NUDT5: variants seen among roughly 807,000 people sequenced by gnomAD.
NUDT5 encodes the protein ADP-sugar pyrophosphatase.
Under a neutral mutation model 34.1 loss-of-function variants are expected in NUDT5, and 21 were observed. The observed-to-expected ratio is 0.62, with a 90% CI of 0.44 to 0.89. The LOEUF (loss-of-function observed/expected upper bound fraction) is 0.89. Among genes scored for constraint, NUDT5 ranks in the 40% least tolerant of loss-of-function variants. NUDT5 has a pLI of 0.00. For synonymous variants in NUDT5, 85 were observed against 97.6 expected (o/e 0.87, Z 0.76); for missense variants, 249 against 274.8 (o/e 0.91, Z 0.66).
chr10:12,176,253 G>C (rs1220241613), intron 5 of NUDT5, among the ~76,000 whole-genome samples: 1 of 151,746 alleles, frequency 6.6e-6, no homozygotes, highest in African/African-American at 2.4e-5. Context: ...AAAATGGTGA[G>C]GAAATGAGAA....
intron 5 of NUDT5, among the ~76,000 whole-genome samples, chr10:12,177,444 A>G (rs539902882): frequency 4.7e-4 from 71 of 151,978 alleles, no homozygotes; most frequent in East Asian, 1.2e-3. Context: ...GCTTGAACCC[A>G]GGAGGCGGAG....
At chr10:12,172,687 T>C in intron 7 of NUDT5, 78 bp downstream of exon 7, 2 of 923,682 alleles carry the variant, frequency 2.2e-6, no homozygotes, top group South Asian at 2.8e-5. Context: ...TACATTCTTT[T>C]AATAAATCAA....
Position 12,172,538 on chromosome 10 carries a change from T to C in NUDT5, c.487+227A>G, listed in dbSNP as rs1219956928. ...ACTTCATATAGAAAACAGGGAAATA[T>C]GTCATTTAACATTTTTTTACAAAGA... On this transcript the variant is annotated intron_variant, in intron 7 of 9. Transcript: ENST00000491614. The C allele has an allele frequency of 6.9e-6, 4 of 577,548 alleles. No individual in the cohort carries two copies. The East Asian group carries it at 8.6e-5, about 12-fold the overall frequency. 35.8% of individuals were successfully genotyped at this position (577,548 alleles called of 1,614,324 possible). A position where few individuals can be genotyped will look rare whatever the true frequency, so the allele number is the denominator to read the frequency against.
chr10:12,190,606 CTTTTTT>C (rs1013405393), intron 1 of NUDT5, among the ~76,000 whole-genome samples: 2 of 127,974 alleles, frequency 1.6e-5, no homozygotes, highest in East Asian at 2.2e-4. Flanking sequence ...ATGATAAAGC[CTTTTTT>C]TTTTTTTTTT....
chr10:12,172,938 A>T (rs1467465165), intron 6 of NUDT5, 72 bp from the exon 7 acceptor site: 2 of 1,103,410 alleles, frequency 1.8e-6, no homozygotes, highest in Non-Finnish European at 2.7e-6. Flanking sequence ...TAGGAAGAAG[A>T]TGCGTCCCGC....
At chr10:12,190,219 TA>T (rs1314095038) in intron 1 of NUDT5, among the ~76,000 whole-genome samples, 1 of 152,222 alleles carries the variant, frequency 6.6e-6, no homozygotes, top group African/African-American at 2.4e-5. Flanking sequence ...TGATTTTCCT[TA>T]GTCTTTAAAG....
chr10:12,169,290 A>G lies in NUDT5; in HGVS notation c.550+1427T>C, dbSNP rs1477901133. On this transcript the variant is annotated intron_variant, in intron 9 of 9. Transcript: ENST00000491614. This position sits in a 1 kb window ranked among gnomAD's most constrained non-coding sequence, Gnocchi z 4.8. ...GTGAAGTTAAGAAGGTGGAAGGGAG[A>G]AGGAAGACATTTTACAAAAAGGATA... 2 of 1,555,080 alleles carry G rather than the reference A, an allele frequency of 1.3e-6. No homozygotes were observed. The highest frequency in any genetic ancestry group is 8.7e-7 in the Non-Finnish European group (1 of 1,148,234).
chr10:12,183,744 T>C (rs1835081100), intron 3 of NUDT5, among the ~76,000 whole-genome samples: 2 of 152,224 alleles, frequency 1.3e-5, no homozygotes, highest in African/African-American at 2.4e-5. Flanking sequence ...ACAGCTTTTT[T>C]CCCATTTTGC....
At chr10:12,186,648 G>A (rs918314005) in intron 1 of NUDT5, among the ~76,000 whole-genome samples, 16 of 138,286 alleles carry the variant, frequency 1.2e-4, no homozygotes, top group African/African-American at 4.3e-4. Flanking sequence ...TGTTTTTTTT[G>A]AGAGAGTCTC....
chr10:12,185,022 T>G (rs1835103544), intron 2 of NUDT5, 66 bp from the exon 3 acceptor site: 1 of 827,720 alleles, frequency 1.2e-6, no homozygotes, highest in Middle Eastern at 2.2e-4. Context: ...TAAAAGGGTT[T>G]TTCTTTCACA....
rs556024605 is a variant in NUDT5 at position 12,176,430 on chromosome 10, C to A, written c.289+1363G>T. Among the ~76,000 whole-genome samples, 9 of 151,326 alleles carry A rather than the reference C, an allele frequency of 5.9e-5. No individual in the cohort carries two copies. The South Asian group carries it at 8.4e-4, about 14-fold the overall frequency. ...ACCAATCTGGTGAACATGGTGAGAGCCCATCTCTACTAAAAATACAAAAAT... is the reference window on the plus strand; with the variant it reads ...ACCAATCTGGTGAACATGGTGAGAGACCATCTCTACTAAAAATACAAAAAT... On this transcript the variant is annotated intron_variant, in intron 5 of 9. Coordinates refer to ENST00000491614, the MANE Select transcript of NUDT5 (RefSeq NM_014142.4).
intron 2 of NUDT5, among the ~76,000 whole-genome samples, chr10:12,185,460 G>A (rs1254065112): frequency 6.6e-6 from 1 of 152,192 alleles, no homozygotes; most frequent in African/African-American, 2.4e-5. Context: ...TGACACGTGG[G>A]TTTCCCACCC....
chr10:12,179,749 C>T (rs905777148), intron 3 of NUDT5, among the ~76,000 whole-genome samples: 3 of 152,146 alleles, frequency 2.0e-5, no homozygotes, highest in Non-Finnish European at 2.9e-5. Context: ...TGGCTTTATT[C>T]CTGGTTAGCT....
chr10:12,176,994 C>T (rs79472500), intron 5 of NUDT5, among the ~76,000 whole-genome samples: 14 of 151,588 alleles, frequency 9.2e-5, no homozygotes, highest in African/African-American at 3.1e-4. Context: ...TGGTGACACA[C>T]GCCTGTAATC....
rs992435607 is a variant in NUDT5, at chr10:12,170,350, T to A, written c.550+367A>T. ...AGCCTCCACAAAGGACCATCCCTCA[T>A]ACTAGCATACTTGAGGAAAAGCTAA... On this transcript the variant is annotated intron_variant, in intron 9 of 9. Coordinates refer to ENST00000491614, the MANE Select transcript of NUDT5 (RefSeq NM_014142.4). The surrounding 1 kb of genome is among the most constrained non-coding windows in gnomAD (Gnocchi z 4.9). 15 of 707,412 alleles carry A rather than the reference T, an allele frequency of 2.1e-5. No homozygotes were observed. Among genetic ancestry groups the A allele is most frequent in the Middle Eastern group, 3.7e-4 (1 of 2,718 alleles). 43.8% of individuals were successfully genotyped at this position (707,412 alleles called of 1,614,324 possible). A position where few individuals can be genotyped will look rare whatever the true frequency, so the allele number is the denominator to read the frequency against.
intron 7 of NUDT5, chr10:12,172,548 C>CA (rs1462440544): frequency 1.7e-6 from 1 of 582,444 alleles, no homozygotes; most frequent in Non-Finnish European, 3.1e-6. Context: ...TGTCATTTAA[C>CA]ATTTTTTTAC....
At chr10:12,186,361 A>G (rs1171484238) in intron 1 of NUDT5, 29 bp from the exon 2 acceptor site, 17 of 1,206,458 alleles carry the variant, frequency 1.4e-5, no homozygotes, top group Non-Finnish European at 1.8e-5. Context: ...TGTTCAGGCT[A>G]AAATTATTTT....
intron 4 of NUDT5, among the ~76,000 whole-genome samples, chr10:12,178,260 A>G (rs11257580): frequency 1.0e-3 from 152 of 152,334 alleles, no homozygotes; most frequent in African/African-American, 3.4e-3. Context: ...GGCCACAGCC[A>G]TCCCTGTGCT....
At chr10:12,183,298 TAC>T (rs1835073574) in intron 3 of NUDT5, among the ~76,000 whole-genome samples, 1 of 152,236 alleles carries the variant, frequency 6.6e-6, no homozygotes, top group African/African-American at 2.4e-5. Flanking sequence ...AGTGAAGAGT[TAC>T]AGTCTTTCAT....
Sources: gnomAD v4.1 joint callset for allele counts (sites outside exome capture counted in the v4.1 genomes callset) on GRCh38, gnomAD v4.1.1 for gene constraint, Gnocchi (gnomAD v3.1) non-coding constraint, MANE v1.5 for transcripts, NCBI Gene and HGNC (gene_info 2026-07-23, HGNC 2026-07-21) for gene names.